ISL2: variants seen among roughly 807,000 people sequenced by gnomAD.
The protein encoded by ISL2 is insulin gene enhancer protein ISL-2.
In ISL2, 17 loss-of-function variants were observed where a neutral mutation model predicts 34.6. The observed-to-expected ratio is 0.49, with a 90% CI of 0.34 to 0.74. The LOEUF (loss-of-function observed/expected upper bound fraction) is 0.74. Among genes scored for constraint, ISL2 ranks in the 30% least tolerant of loss-of-function variants. The pLI, the probability that ISL2 is intolerant of heterozygous loss-of-function variation, is 0.01. For missense variants in ISL2, 469 were observed against 515.2 expected (o/e 0.91, Z 0.87); for synonymous variants, 232 against 225.5 (o/e 1.03, Z -0.26).
chr15:76,338,223 G>A lies in ISL2; in HGVS notation c.249-29G>A, dbSNP rs1471413183. On this transcript the variant is annotated intron_variant, in intron 2 of 5. Coordinates refer to ENST00000290759, the MANE Select transcript of ISL2 (RefSeq NM_145805.3). ...AGATGAGGGCGGCCGCAGGCCCAGC[G>A]CTGACACCGCCGCACCTTGGGCCCG... is the stretch of plus-strand genomic sequence containing the variant. The A allele has an allele frequency of 3.3e-6, 5 of 1,525,722 alleles. No individual in the cohort carries two copies. In the Admixed American group the frequency reaches 5.9e-5, roughly 18 times the overall value. The allele number at this position is 1,525,722 out of a possible 1,614,324, so 94.5% of individuals were successfully genotyped here. A position where few individuals can be genotyped will look rare whatever the true frequency, so the allele number is the denominator to read the frequency against.
intron 2 of ISL2, 52 bp downstream of exon 2, chr15:76,338,019 G>GGGGCCT (rs1335897316): frequency 1.4e-6 from 2 of 1,430,248 alleles, no homozygotes; most frequent in Non-Finnish European, 1.8e-6. Context: ...GGCCGGGGCC[G>GGGGCCT]GGACTGGGGA....
Position 76,339,823 on chromosome 15 carries a change from C to T in ISL2, c.512-453C>T, listed in dbSNP as rs936982162. Reference sequence around the variant, plus strand: ...TAGGCCCCCGGCATATTCGCACCTCCCACCCAGTCCCCTGGGCAGCGCCTC... The same window carrying T: ...TAGGCCCCCGGCATATTCGCACCTCTCACCCAGTCCCCTGGGCAGCGCCTC... On this transcript the variant is annotated intron_variant, in intron 3 of 5. Transcript: ENST00000290759. 7 of 999,904 alleles carry T rather than the reference C, an allele frequency of 7.0e-6. No individual in the cohort carries two copies. In the Admixed American group the frequency reaches 3.8e-4, roughly 54 times the overall value. The allele number at this position is 999,904 out of a possible 1,614,324, so 61.9% of individuals were successfully genotyped here.
Position 76,340,553 on chromosome 15 carries a change from C to T in ISL2, c.789C>T (p.Asp263=). The T allele has an allele frequency of 6.2e-7, 1 of 1,605,472 alleles. No individual in the cohort carries two copies. The highest frequency in any genetic ancestry group is 8.5e-7 in the Non-Finnish European group (1 of 1,174,022). ...MKQLQQQQHS[D]KTSLQGLTGT... ...AGCTGCAGCAGCAGCAGCACAGCGA[C>T]AAGACGGTGAGCAGCCGCTGGGCCG... Residue 263 remains aspartate, a synonymous_variant, in exon 4 of 6, where the codon GAC becomes GAT. Transcript: ENST00000290759.
At chr15:76,337,651 C>A (rs1230982756) in intron 1 of ISL2, 127 bp from the exon 2 acceptor site, 2 of 805,944 alleles carry the variant, frequency 2.5e-6, no homozygotes, top group Non-Finnish European at 3.7e-6. Context: ...CATCATCTTT[C>A]CTTATGGTCG....
chr15:76,340,416 G>A lies in ISL2; in HGVS notation c.652G>A (p.Ala218Thr). 1 of 1,613,744 alleles carries A rather than the reference G, an allele frequency of 6.2e-7. No individual in the cohort carries two copies. Among genetic ancestry groups the A allele is most frequent in the Non-Finnish European group, 8.5e-7 (1 of 1,179,992 alleles). ...TCYAANPRPD[A>T]LMKEQLVEMT... ...CTACGCCGCCAACCCGCGGCCCGAC[G>A]CTCTCATGAAGGAGCAGCTGGTGGA... The change falls in exon 4 of 6, where the codon GCT (alanine) becomes ACT (threonine). Residue 218 changes from alanine (A) to threonine (T), a missense_variant. Physicochemically the swap from Ala to Thr is moderately conservative, Grantham distance 58. This residue lies in a region of ISL2 where 297 missense variants were observed against 337.8 expected (regional missense o/e 0.88). Transcript: ENST00000290759.
At chr15:76,340,640 G>A in intron 4 of ISL2, 81 bp downstream of exon 4, 1 of 1,373,600 alleles carries the variant, frequency 7.3e-7, no homozygotes, top group Non-Finnish European at 1.0e-6. Flanking sequence ...TTTTCTGGGC[G>A]AGCCCTGGGA....
At chr15:76,341,426 G>A in intron 5 of ISL2, 125 bp downstream of exon 5, 2 of 893,032 alleles carry the variant, frequency 2.2e-6, no homozygotes, top group South Asian at 3.5e-5. Context: ...CTAGGCGGTG[G>A]GGGAGGGGGA....
chr15:76,337,501 T>C (rs1441985443), intron 1 of ISL2: 3 of 442,378 alleles, frequency 6.8e-6, no homozygotes, highest in African/African-American at 6.1e-5. Context: ...TGTTTGCGTT[T>C]AGTTTCAAGA....
chr15:76,336,866 G>A lies in ISL2; in HGVS notation c.-18G>A. On this transcript the variant is annotated 5_prime_UTR_variant, in exon 1 of 6. Coordinates refer to ENST00000290759, the MANE Select transcript of ISL2 (RefSeq NM_145805.3). ...TTCTGCCCCTGGCCGCACACTTTGC[G>A]CACATCTCTTTTTCTGCATGGTGGA... 2 of 1,611,442 alleles carry A rather than the reference G, an allele frequency of 1.2e-6. No homozygotes were observed. The highest frequency in any genetic ancestry group is 1.7e-6 in the Non-Finnish European group (2 of 1,177,600).
rs1488022754 is a variant in ISL2, at chr15:76,336,800, T to G, written c.-84T>G. ...TTCAACTCCGCGGGGCAGTAGGAGT[T>G]AGTTAGCAAAGAGCCGAGGCCGGGC... On this transcript the variant is annotated 5_prime_UTR_variant, in exon 1 of 6. Coordinates refer to ENST00000290759, the MANE Select transcript of ISL2 (RefSeq NM_145805.3). 4 of 1,188,652 alleles carry G rather than the reference T, an allele frequency of 3.4e-6. No homozygotes were observed. Among genetic ancestry groups the G allele is most frequent in the South Asian group, 2.4e-5 (2 of 82,352 alleles). The allele number at this position is 1,188,652 out of a possible 1,614,324, so 73.6% of individuals were successfully genotyped here. A position where few individuals can be genotyped will look rare whatever the true frequency, so the allele number is the denominator to read the frequency against.
chr15:76,338,088 C>G, intron 2 of ISL2, 121 bp downstream of exon 2: 2 of 1,314,344 alleles, frequency 1.5e-6, no homozygotes, highest in Non-Finnish European at 2.0e-6. Flanking sequence ...GCATCCCGCA[C>G]GGGTGCCGCA....
intron 3 of ISL2, chr15:76,339,010 G>A (rs1433720645): frequency 1.0e-6 from 1 of 985,332 alleles, no homozygotes; most frequent in African/African-American, 1.7e-5. Flanking sequence ...CTTGTTTTGA[G>A]GCCCAGTTTG....
chr15:76,338,734 G>A, intron 3 of ISL2: 3 of 985,462 alleles, frequency 3.0e-6, no homozygotes, highest in Non-Finnish European at 3.6e-6. Context: ...GTGTGAGCAC[G>A]GAGAATTGTG....
intron 3 of ISL2, chr15:76,339,806 C>A (rs1167721544): frequency 1.0e-6 from 1 of 996,476 alleles, no homozygotes. Context: ...CGTAGGCCCC[C>A]GGCATATTCG....
chr15:76,340,383 C>T lies in ISL2; in HGVS notation c.619C>T (p.Arg207Trp). 6.2e-7 allele frequency: 1 copy of T among 1,613,578 alleles called. No homozygotes were observed. Among genetic ancestry groups the T allele is most frequent in the Non-Finnish European group, 8.5e-7 (1 of 1,179,970 alleles). The change falls in exon 4 of 6, where the codon CGG becomes TGG. Residue 207 changes from arginine to tryptophan, a missense_variant. Arg to Trp is a moderately radical substitution (Grantham distance 101). Transcript: ENST00000290759. The stretch of plus-strand genomic sequence containing the variant: ...GAACGAGAAGCAGCTGCACACTCTG[C>T]GGACCTGCTACGCCGCCAACCCGCG... ...VLNEKQLHTLRTCYAANPRPD... is the reference protein window; with the variant it reads ...VLNEKQLHTLWTCYAANPRPD...
At position 76,342,193 on chromosome 15, in the gene ISL2, C is replaced by A; in HGVS notation, c.*358C>A. On this transcript the variant is annotated 3_prime_UTR_variant, in exon 6 of 6. Transcript: ENST00000290759. ...CGGAGCTCGCCCACGCGGACCCCCG[C>A]CCTGCCCCAGCTCAGCGCTCCCTGG... 5.3e-6 allele frequency: 1 copy of A among 187,368 alleles called. No homozygotes were observed. Among genetic ancestry groups the A allele is most frequent in the Admixed American group, 6.0e-5 (1 of 16,744 alleles). 11.6% of individuals were successfully genotyped at this position (187,368 alleles called of 1,614,324 possible). A position where few individuals can be genotyped will look rare whatever the true frequency, so the allele number is the denominator to read the frequency against.
Position 76,341,174 on chromosome 15 carries a change from G to A in ISL2, c.836G>A (p.Ser279Asn). ...GLTGTPLVAG[S>N]PIRHENAVQG... ...ACTGGGACGCCCCTGGTGGCGGGCA[G>A]TCCCATCCGCCATGAGAACGCCGTG... The change falls in exon 5 of 6, where the codon AGT becomes AAT. Residue 279 changes from serine to asparagine, a missense_variant. Transcript: ENST00000290759. 1 of 1,612,398 alleles carries A rather than the reference G, an allele frequency of 6.2e-7. No homozygotes were observed. The highest frequency in any genetic ancestry group is 8.5e-7 in the Non-Finnish European group (1 of 1,179,782).
At chr15:76,339,985 A>G in intron 3 of ISL2, 1 of 1,257,922 alleles carries the variant, frequency 7.9e-7, no homozygotes, top group East Asian at 3.6e-5. Flanking sequence ...CACATCCCTG[A>G]GCAGCCACTC....
At chr15:76,341,523 G>T (rs1596241279) in intron 5 of ISL2, among the ~76,000 whole-genome samples, 196 bp from the exon 6 acceptor site, 1 of 152,164 alleles carries the variant, frequency 6.6e-6, no homozygotes, top group Admixed American at 6.5e-5. Context: ...AAGAGAGGTC[G>T]CAGGATTAAC....
Sources: gnomAD v4.1 joint callset for allele counts (sites outside exome capture counted in the v4.1 genomes callset) on GRCh38, gnomAD v4.1.1 for gene constraint, gnomAD v4.1.1 regional missense constraint, MANE v1.5 for transcripts, NCBI Gene and HGNC (gene_info 2026-07-23, HGNC 2026-07-21) for gene names.